The following TMEM212 variants were observed in gnomAD, a reference collection of about 807,000 sequenced individuals.
TMEM212 encodes transmembrane protein 212.
A neutral mutation model predicts 20.5 loss-of-function variants in TMEM212; 23 were observed. The observed-to-expected ratio is 1.12, with a 90% CI of 0.81 to 1.59. The LOEUF is 1.59. Ranked by LOEUF, TMEM212 falls within the 40% of genes most tolerant of loss-of-function variation. The probability of loss-of-function intolerance (pLI) is 0.00; values close to 1 mark genes in which losing one functional copy is unlikely to be tolerated. For missense variants in TMEM212, 211 were observed against 215.0 expected (o/e 0.98, Z 0.12); for synonymous variants, 76 against 81.6 (o/e 0.93, Z 0.37).
At chr3:171,854,187 A>G (rs1725059261) in intron 3 of TMEM212, among the ~76,000 whole-genome samples, 1 of 152,132 alleles carries the variant, frequency 6.6e-6, no homozygotes, top group Non-Finnish European at 1.5e-5. Flanking sequence ...CAGAGCAATT[A>G]GGCAAGAAAA....
At chr3:171,852,892 G>C (rs1578518172) in intron 2 of TMEM212, among the ~76,000 whole-genome samples, 1 of 152,208 alleles carries the variant, frequency 6.6e-6, no homozygotes, top group East Asian at 1.9e-4. Context: ...TGCAGATTCT[G>C]ATTCAGTAGA....
chr3:171,856,713 A>G lies in TMEM212; in HGVS notation c.*3+6A>G, dbSNP rs1158361908. On this transcript the variant is annotated splice_donor_region_variant and intron_variant, in intron 4 of 4. Transcript: ENST00000334567. Reference sequence around the variant, plus strand: ...ACCCTTTTTCACCATAAAAGGTAAAATGGTCTGGGGATAGAAAAGGCCTGG... The same window carrying G: ...ACCCTTTTTCACCATAAAAGGTAAAGTGGTCTGGGGATAGAAAAGGCCTGG... 2 of 684,550 alleles carry G rather than the reference A, an allele frequency of 2.9e-6. No homozygotes were observed. The highest frequency in any genetic ancestry group is 2.7e-5 in the East Asian group (1 of 36,488). The allele number at this position is 684,550 out of a possible 1,614,324, so 42.4% of individuals were successfully genotyped here. A position where few individuals can be genotyped will look rare whatever the true frequency, so the allele number is the denominator to read the frequency against.
rs1328753395 is a variant in TMEM212 at position 171,859,270 on chromosome 3, G to A, written c.*1213G>A. The A allele has an allele frequency of 1.3e-5, 2 of 151,972 alleles. No individual in the cohort carries two copies. Among genetic ancestry groups the A allele is most frequent in the African/African-American group, 2.4e-5 (1 of 41,366 alleles). 9.4% of individuals were successfully genotyped at this position (151,972 alleles called of 1,614,324 possible). A position where few individuals can be genotyped will look rare whatever the true frequency, so the allele number is the denominator to read the frequency against. ...CCTATGCAACAAACCTGCATGTTGT[G>A]CACATGTACCCTAGAACTTAGAGTA... On this transcript the variant is annotated 3_prime_UTR_variant, in exon 5 of 5. Transcript: ENST00000334567.
chr3:171,846,686 G>GA (rs1049114998), intron 1 of TMEM212, among the ~76,000 whole-genome samples: 23 of 152,216 alleles, frequency 1.5e-4, no homozygotes, highest in African/African-American at 5.5e-4. Flanking sequence ...ACTAGTGCAG[G>GA]AAAAAATCCT....
intron 1 of TMEM212, among the ~76,000 whole-genome samples, chr3:171,845,194 T>C (rs1724804531): frequency 6.6e-6 from 1 of 152,214 alleles, no homozygotes; most frequent in Admixed American, 6.5e-5. Context: ...AAACTTTTTT[T>C]TGGTGACTCA....
chr3:171,845,972 C>T (rs1724822808), intron 1 of TMEM212, among the ~76,000 whole-genome samples: 1 of 152,204 alleles, frequency 6.6e-6, no homozygotes, highest in African/African-American at 2.4e-5. Flanking sequence ...TTGTGCCCTA[C>T]TCTCTGTTCA....
chr3:171,856,675 G>A lies in TMEM212; in HGVS notation c.556G>A (p.Ala186Thr). Residue 186 changes from alanine to threonine, a missense_variant, in exon 4 of 5, where the codon GCT (alanine) becomes ACT (threonine). Coordinates refer to ENST00000334567, the MANE Select transcript of TMEM212 (RefSeq NM_001164436.2). ...ATATGTCTTACAGATGCAACTCCCT[G>A]CTGGGAACCCAAACCCTTTTTCACC... The part of the protein sequence containing the change: ...QNGHINMQLP[A>T]GNPNPFSP 1.5e-6 allele frequency: 1 copy of A among 688,660 alleles called. No homozygotes were observed. 42.7% of individuals were successfully genotyped at this position (688,660 alleles called of 1,614,324 possible). A position where few individuals can be genotyped will look rare whatever the true frequency, so the allele number is the denominator to read the frequency against.
intron 3 of TMEM212, among the ~76,000 whole-genome samples, chr3:171,854,375 C>T (rs896232705): frequency 2.0e-5 from 3 of 152,012 alleles, no homozygotes; most frequent in African/African-American, 7.2e-5. Flanking sequence ...TTTCTACACA[C>T]TAACAACAAA....
chr3:171,853,174 A>C (rs1725024556), intron 2 of TMEM212, among the ~76,000 whole-genome samples: 1 of 150,530 alleles, frequency 6.6e-6, no homozygotes. Flanking sequence ...GAAAGGCGGC[A>C]GGAGGGAGAG....
chr3:171,852,539 C>A (rs1002811113), intron 2 of TMEM212, among the ~76,000 whole-genome samples: 1 of 152,166 alleles, frequency 6.6e-6, no homozygotes, highest in African/African-American at 2.4e-5. Flanking sequence ...CAAATATTTT[C>A]TACAAGTTCC....
At chr3:171,857,536 A>G (rs1309193455) in intron 4 of TMEM212, among the ~76,000 whole-genome samples, 2 of 152,210 alleles carry the variant, frequency 1.3e-5, no homozygotes, top group Non-Finnish European at 2.9e-5. Context: ...CAAAGCAGAA[A>G]TAAACAGTGG....
chr3:171,850,739 T>C lies in TMEM212; in HGVS notation c.160-1243T>C, dbSNP rs1315526551. On this transcript the variant is annotated intron_variant, in intron 1 of 4. Transcript: ENST00000334567. Reference sequence around the variant, plus strand: ...TGCAGAATCAAGCCAGGAACCCCTTTTGACTACAGATGGTTCTGTTTTTAT... The same window carrying C: ...TGCAGAATCAAGCCAGGAACCCCTTCTGACTACAGATGGTTCTGTTTTTAT... Among the ~76,000 whole-genome samples, 6 of 152,216 alleles carry C rather than the reference T, an allele frequency of 3.9e-5. No homozygotes were observed. The East Asian group carries it at 9.6e-4, about 24-fold the overall frequency.
At chr3:171,847,841 TA>T (rs374741308) in intron 1 of TMEM212, among the ~76,000 whole-genome samples, 151 of 151,982 alleles carry the variant, frequency 9.9e-4, no homozygotes, top group African/African-American at 3.2e-3. Context: ...ATATTGAGAC[TA>T]GGGGGGGTTC....
intron 4 of TMEM212, 197 bp downstream of exon 4, chr3:171,856,904 G>A (rs1298202534): frequency 7.6e-6 from 3 of 397,036 alleles, no homozygotes; most frequent in African/African-American, 6.2e-5. Flanking sequence ...CTGAAGGCAT[G>A]TAAATCTGCT....
chr3:171,858,344 G>C lies in TMEM212; in HGVS notation c.*287G>C, dbSNP rs879905972. The C allele has an allele frequency of 6.6e-6, 1 of 152,072 alleles. No individual in the cohort carries two copies. The highest frequency in any genetic ancestry group is 1.5e-5 in the Non-Finnish European group (1 of 68,044). The allele number at this position is 152,072 out of a possible 1,614,324, so 9.4% of individuals were successfully genotyped here. A position where few individuals can be genotyped will look rare whatever the true frequency, so the allele number is the denominator to read the frequency against. On this transcript the variant is annotated 3_prime_UTR_variant, in exon 5 of 5. Coordinates refer to ENST00000334567, the MANE Select transcript of TMEM212 (RefSeq NM_001164436.2). Reference sequence around the variant, plus strand: ...GGAAAGGATTCCCTTTTTAATAAATGGTGCTGGGAAAACTGGTTAGCCATA... The same window carrying C: ...GGAAAGGATTCCCTTTTTAATAAATCGTGCTGGGAAAACTGGTTAGCCATA...
chr3:171,848,397 A>G (rs1011886009), intron 1 of TMEM212, among the ~76,000 whole-genome samples: 17 of 152,126 alleles, frequency 1.1e-4, no homozygotes, highest in Non-Finnish European at 4.4e-5. Context: ...GCATACCCCT[A>G]TGCATTCCTT....
chr3:171,851,313 C>T (rs1228576910), intron 1 of TMEM212, among the ~76,000 whole-genome samples: 2 of 152,208 alleles, frequency 1.3e-5, no homozygotes, highest in African/African-American at 4.8e-5. Context: ...TCTGGTGACA[C>T]TCTTCCCTCT....
chr3:171,854,360 CTG>C (rs1278447946), intron 3 of TMEM212, among the ~76,000 whole-genome samples: 1 of 152,082 alleles, frequency 6.6e-6, no homozygotes, highest in Admixed American at 6.6e-5. Flanking sequence ...CAAAAATCAG[CTG>C]TGTTTCTACA....
intron 2 of TMEM212, 130 bp from the exon 3 acceptor site, chr3:171,853,397 A>G: frequency 1.5e-4 from 91 of 606,386 alleles, no homozygotes; most frequent in Middle Eastern, 5.2e-4. Context: ...GAGAGTCGTG[A>G]TTGATTTCTC....
Sources: gnomAD v4.1 joint callset for allele counts (sites outside exome capture counted in the v4.1 genomes callset) on GRCh38, gnomAD v4.1.1 for gene constraint, MANE v1.5 for transcripts, NCBI Gene and HGNC (gene_info 2026-07-23, HGNC 2026-07-21) for gene names.